The following KLHL13 variants were observed in gnomAD, a reference collection of about 807,000 sequenced individuals.
KLHL13 encodes the protein kelch like family member 13, also known as kelch-like protein 13.
KLHL13 carries 10 observed loss-of-function variants against 37.1 expected under a neutral mutation model. The observed-to-expected ratio is 0.27, with a 90% confidence interval of 0.17 to 0.46. The LOEUF (loss-of-function observed/expected upper bound fraction) is 0.46, where lower values mean the gene tolerates loss of function less well. Among genes scored for constraint, KLHL13 ranks in the 20% least tolerant of loss-of-function variants. The probability of loss-of-function intolerance (pLI) is 1.00; values close to 1 mark genes in which losing one functional copy is unlikely to be tolerated. For missense variants in KLHL13, 360 were observed against 509.3 expected (o/e 0.71, Z 2.82); for synonymous variants, 163 against 181.2 (o/e 0.90, Z 0.81).
chrX:117,994,385 C>T (rs1189276779), intron 1 of KLHL13, among the ~76,000 whole-genome samples: 1 of 110,581 alleles, frequency 9.0e-6, no homozygotes, highest in African/African-American at 3.3e-5. Context: ...TTCTGAGTAG[C>T]TGAGACTACA....
chrX:117,909,446 T>C (rs746473312), exon 5 of KLHL13: 1 of 1,211,782 alleles, frequency 8.3e-7, no homozygotes, highest in Non-Finnish European at 1.1e-6. Flanking sequence ...CTGTATCAAC[T>C]GCCGTTTTTC....
At chrX:117,925,860 G>C (rs1931984421) in intron 2 of KLHL13, among the ~76,000 whole-genome samples, 2 of 111,029 alleles carry the variant, frequency 1.8e-5, no homozygotes, top group African/African-American at 3.3e-5. Flanking sequence ...CTCCTTTGTT[G>C]TTGTTGTTTT....
intron 1 of KLHL13, among the ~76,000 whole-genome samples, chrX:117,984,652 T>G: frequency 9.0e-6 from 1 of 111,581 alleles, no homozygotes; most frequent in South Asian, 3.7e-4. Context: ...CAGTACTATT[T>G]GAAAGTATAC....
intron 1 of KLHL13, among the ~76,000 whole-genome samples, chrX:118,020,977 T>C (rs1239421420): frequency 1.6e-5 from 1 of 64,367 alleles, no homozygotes; most frequent in Non-Finnish European, 2.7e-5. Flanking sequence ...AACATCACAC[T>C]CTGGGGACTG....
At chrX:118,083,555 A>G (rs1208716701) in intron 1 of KLHL13, among the ~76,000 whole-genome samples, 2 of 111,717 alleles carry the variant, frequency 1.8e-5, no homozygotes, top group Non-Finnish European at 3.8e-5. Context: ...AGAGAGTAGA[A>G]TAGTGGTTAT....
chrX:117,973,773 T>C, upstream of KLHL13: 1 of 751,673 alleles, frequency 1.3e-6, no homozygotes, highest in Non-Finnish European at 1.6e-6. Flanking sequence ...AACAATCTAA[T>C]TCAATACTGC....
At chrX:117,918,790 G>A (rs761557386) in intron 4 of KLHL13, among the ~76,000 whole-genome samples, 10 of 111,552 alleles carry the variant, frequency 9.0e-5, no homozygotes, top group African/African-American at 1.3e-4. Flanking sequence ...CATTCTTACA[G>A]GTTTGCCCAT....
chrX:117,903,135 A>AAC (rs751986919), intron 5 of KLHL13, among the ~76,000 whole-genome samples: 3,958 of 99,720 alleles, frequency 0.04, 89 homozygotes, highest in Non-Finnish European at 0.058. Flanking sequence ...TGACAGGCAA[A>AAC]ACACACACAC....
At chrX:118,047,743 T>C (rs977423709) in intron 1 of KLHL13, among the ~76,000 whole-genome samples, 3 of 111,709 alleles carry the variant, frequency 2.7e-5, no homozygotes, top group African/African-American at 9.7e-5. Context: ...ATAGCCTTTA[T>C]TTGTGAGAAG....
rs183927575 is a variant in KLHL13, at chrX:118,061,776, T to C, written c.-56+54732A>G. Among the ~76,000 whole-genome samples the C allele has an allele frequency of 2.0e-3, 225 of 111,508 alleles. 1 individual carries two copies. The highest frequency in any genetic ancestry group is 6.6e-3 in the African/African-American group (205 of 30,859). Reference sequence around the variant, plus strand: ...TAAATTCGTAGAGACATATGAACCATAGGGATCTCAATAAAAATTACTGAA... The same window carrying C: ...TAAATTCGTAGAGACATATGAACCACAGGGATCTCAATAAAAATTACTGAA... On this transcript the variant is annotated intron_variant, in intron 1 of 6. Transcript: ENST00000371882.
At chrX:117,999,177 G>C (rs909029864) in intron 1 of KLHL13, among the ~76,000 whole-genome samples, 8 of 111,165 alleles carry the variant, frequency 7.2e-5, no homozygotes, top group Admixed American at 5.8e-4. Context: ...ATTTGACCCA[G>C]CCATCCCATT....
At chrX:117,980,418 GTAC>G (rs753227082) in intron 1 of KLHL13, among the ~76,000 whole-genome samples, 55 of 111,484 alleles carry the variant, frequency 4.9e-4, no homozygotes, top group African/African-American at 1.8e-3. Context: ...TAATGAAATA[GTAC>G]TACTACCTTG....
chrX:117,967,284 T>C (rs919024149), intron 1 of KLHL13, among the ~76,000 whole-genome samples: 2 of 111,850 alleles, frequency 1.8e-5, no homozygotes, highest in Non-Finnish European at 3.8e-5. Context: ...CTTGAGGATA[T>C]AAAGCAATAC....
intron 1 of KLHL13, among the ~76,000 whole-genome samples, chrX:118,093,096 T>C (rs894161398): frequency 9.0e-6 from 1 of 111,555 alleles, no homozygotes; most frequent in South Asian, 3.8e-4. Flanking sequence ...ACCATAATAA[T>C]GAGTAATTTG....
intron 1 of KLHL13, among the ~76,000 whole-genome samples, chrX:117,968,127 T>C (rs1307004117): frequency 2.7e-5 from 3 of 111,158 alleles, no homozygotes; most frequent in Non-Finnish European, 3.8e-5. Flanking sequence ...GAAAACCATG[T>C]CACATGAGAA....
At chrX:118,033,422 TG>T (rs2054387466) in intron 1 of KLHL13, among the ~76,000 whole-genome samples, 1 of 109,245 alleles carries the variant, frequency 9.2e-6, no homozygotes, top group Admixed American at 9.7e-5. Flanking sequence ...GCCAGGAGAG[TG>T]GGGGCCAATA....
At chrX:118,099,903 GA>G (rs2055266689) in intron 1 of KLHL13, among the ~76,000 whole-genome samples, 2 of 97,410 alleles carry the variant, frequency 2.1e-5, no homozygotes, top group African/African-American at 9.5e-5. Context: ...AAGAAGGAAG[GA>G]AAGAAGGAAG....
In KLHL13 at chrX:117,959,187, T is replaced by C. The variant is rs548813615; in HGVS notation, c.98+13544A>G. Among the ~76,000 whole-genome samples the C allele has an allele frequency of 3.6e-5, 4 of 111,976 alleles. No homozygotes were observed. In the South Asian group the frequency reaches 1.5e-3, roughly 41 times the overall value. On this transcript the variant is annotated intron_variant, in intron 1 of 6. Coordinates refer to ENST00000262820, the Ensembl canonical transcript of KLHL13. Reference sequence around the variant, plus strand: ...TCTCCAGTCTACTTAAAACCAAACCTTTGTTTCCAGTTTCACGAACTTTGT... The same window carrying C: ...TCTCCAGTCTACTTAAAACCAAACCCTTGTTTCCAGTTTCACGAACTTTGT...
At chrX:118,038,344 A>T (rs947478621) in intron 1 of KLHL13, among the ~76,000 whole-genome samples, 3 of 112,398 alleles carry the variant, frequency 2.7e-5, no homozygotes, top group Admixed American at 9.4e-5. Context: ...ACCAAAAATC[A>T]GGTGAATGAT....
Sources: allele counts gnomAD v4.1 joint callset (sites outside exome capture counted in the v4.1 genomes callset), GRCh38; gene constraint gnomAD v4.1.1; transcripts MANE v1.5; gene names NCBI Gene and HGNC (gene_info 2026-07-23, HGNC 2026-07-21).